The following PAPPA2 variants were observed in gnomAD, a reference collection of about 807,000 sequenced individuals.
The protein encoded by PAPPA2 is pappalysin-2.
PAPPA2 carries 86 observed loss-of-function variants against 176.4 expected under a neutral mutation model. The ratio of observed to expected loss-of-function variants is 0.49; its 90% CI spans 0.41 to 0.58. PAPPA2 has a LOEUF of 0.58. Among genes scored for constraint, PAPPA2 ranks in the 20% least tolerant of loss-of-function variants. The pLI, the probability that PAPPA2 is intolerant of heterozygous loss-of-function variation, is 0.00. For missense variants in PAPPA2, 2,073 were observed against 2,256.9 expected, an observed-to-expected ratio of 0.92 and a Z score of 1.65; for synonymous variants, 809 against 852.2, an observed-to-expected ratio of 0.95 and a Z score of 0.88.
intron 12 of PAPPA2, among the ~76,000 whole-genome samples, chr1:176,731,326 GTC>G (rs1402390764): frequency 6.6e-6 from 1 of 151,914 alleles, no homozygotes; most frequent in Non-Finnish European, 1.5e-5. Flanking sequence ...TTGAGACGGA[GTC>G]TCACTTTGTT....
intron 3 of PAPPA2, among the ~76,000 whole-genome samples, chr1:176,635,265 C>T (rs1245062811): frequency 6.6e-6 from 1 of 152,074 alleles, no homozygotes; most frequent in Non-Finnish European, 1.5e-5. Context: ...TTTTCAGATA[C>T]AATATTTACT....
At chr1:176,807,389 A>C (rs1479256376) in intron 21 of PAPPA2, among the ~76,000 whole-genome samples, 2 of 152,184 alleles carry the variant, frequency 1.3e-5, no homozygotes, top group Non-Finnish European at 2.9e-5. Flanking sequence ...TTCTTGAAAG[A>C]ATGAGGAGCT....
intron 4 of PAPPA2, among the ~76,000 whole-genome samples, chr1:176,688,079 A>C (rs1384270363): frequency 6.6e-6 from 1 of 152,238 alleles, no homozygotes; most frequent in Non-Finnish European, 1.5e-5. Flanking sequence ...TTAGATACTT[A>C]AACTTTATAG....
Position 176,594,737 on chromosome 1 carries a change from T to A in PAPPA2, c.1133T>A (p.Leu378Gln). 6.2e-7 allele frequency: 1 copy of A among 1,614,206 alleles called. No homozygotes were observed. The highest frequency in any genetic ancestry group is 8.5e-7 in the Non-Finnish European group (1 of 1,180,030). ...AATYDGRHMA[L>Q]YVDGTQVASS... ...ACTTACGATGGACGGCACATGGCCC[T>A]GTATGTGGATGGCACTCAGGTGGCT... Residue 378 changes from leucine (L) to glutamine (Q), a missense_variant, in exon 3 of 23, where the codon CTG becomes CAG. Transcript: ENST00000367662.
rs190084520 is a variant in PAPPA2 at position 176,723,453 on chromosome 1, G to C, written c.3798+11472G>C. Among the ~76,000 whole-genome samples the C allele has an allele frequency of 6.5e-4, 95 of 145,174 alleles. 1 individual carries two copies. In the East Asian group the frequency reaches 0.017, roughly 26 times the overall value. On this transcript the variant is annotated intron_variant, in intron 12 of 22. Coordinates refer to ENST00000367662, the MANE Select transcript of PAPPA2 (RefSeq NM_020318.3). ...AATACAACACCAAATAATTTAGAAA[G>C]TGATTTTTAAAGATAAGGTGGTTAG...
intron 9 of PAPPA2, among the ~76,000 whole-genome samples, chr1:176,705,569 AAT>A (rs1660846774): frequency 6.6e-6 from 1 of 152,178 alleles, no homozygotes; most frequent in African/African-American, 2.4e-5. Context: ...GCAATAGCCA[AAT>A]ATTGGTTCTT....
At chr1:176,592,482 G>T (rs1262003611) in intron 2 of PAPPA2, among the ~76,000 whole-genome samples, 2 of 152,054 alleles carry the variant, frequency 1.3e-5, no homozygotes, top group Non-Finnish European at 2.9e-5. Flanking sequence ...CAAGAAGTTA[G>T]AAATATCATT....
intron 2 of PAPPA2, among the ~76,000 whole-genome samples, chr1:176,588,827 G>T (rs558375580): frequency 4.6e-4 from 70 of 152,308 alleles, no homozygotes; most frequent in Non-Finnish European, 8.8e-4. Context: ...TGCCCTGGGG[G>T]TGTGTCCTTG....
intron 3 of PAPPA2, among the ~76,000 whole-genome samples, chr1:176,619,729 C>G (rs1182034374): frequency 2.0e-5 from 3 of 152,060 alleles, no homozygotes; most frequent in African/African-American, 7.2e-5. Flanking sequence ...TGTAATCTGC[C>G]ATTTTTCTTT....
chr1:176,622,987 C>G (rs930038890), intron 3 of PAPPA2, among the ~76,000 whole-genome samples: 1 of 152,114 alleles, frequency 6.6e-6, no homozygotes, highest in Non-Finnish European at 1.5e-5. Flanking sequence ...ATCCTTTGAG[C>G]CTCTTTTATA....
At chr1:176,770,343 T>C (rs913971490) in intron 16 of PAPPA2, among the ~76,000 whole-genome samples, 1 of 152,192 alleles carries the variant, frequency 6.6e-6, no homozygotes, top group African/African-American at 2.4e-5. Context: ...TTATGGTGAA[T>C]AGTCCATGGA....
At chr1:176,789,511 C>A (rs1665083467) in intron 17 of PAPPA2, among the ~76,000 whole-genome samples, 2 of 151,982 alleles carry the variant, frequency 1.3e-5, no homozygotes, top group African/African-American at 4.8e-5. Flanking sequence ...ATGTAACAAA[C>A]CTGCACGTTG....
intron 4 of PAPPA2, among the ~76,000 whole-genome samples, chr1:176,688,813 A>G (rs567793168): frequency 1.1e-3 from 167 of 152,326 alleles, no homozygotes; most frequent in African/African-American, 3.9e-3. Context: ...CAGTGGGTGT[A>G]GCGCCAGATA....
Position 176,594,844 on chromosome 1 carries a change from G to C in PAPPA2, c.1240G>C (p.Glu414Gln), listed in dbSNP as rs202065297. The change falls in exon 3 of 23, where the codon GAG (glutamate) becomes CAG (glutamine). Residue 414 changes from glutamate to glutamine, a missense_variant. By Grantham distance (29) the Glu-to-Gln change is conservative (BLOSUM62 2). Coordinates refer to ENST00000367662, the MANE Select transcript of PAPPA2 (RefSeq NM_020318.3). Reference sequence around the variant, plus strand: ...TTTGCTCCTGGGGGGAGACAGCTCTGAGGATGGGCACTATTTCCGTGGACA... The same window carrying C: ...TTTGCTCCTGGGGGGAGACAGCTCTCAGGATGGGCACTATTTCCGTGGACA... Reference protein sequence around the residue: ...RSLLLGGDSSEDGHYFRGHLG... With the variant: ...RSLLLGGDSSQDGHYFRGHLG... 5,330 of 1,614,224 alleles carry C rather than the reference G, an allele frequency of 3.3e-3. 17 individuals are homozygous for C. The highest frequency in any genetic ancestry group is 8.4e-3 in the Middle Eastern group (51 of 6,062).
chr1:176,732,524 A>G (rs1261289663), intron 12 of PAPPA2, among the ~76,000 whole-genome samples: 4 of 152,220 alleles, frequency 2.6e-5, no homozygotes, highest in East Asian at 3.9e-4. Flanking sequence ...ATGGTGAATG[A>G]AAGTATTACA....
At position 176,758,816 on chromosome 1, in the gene PAPPA2, A is replaced by C. The variant is rs550170579; in HGVS notation, c.4152-6850A>C. 3.9e-5 allele frequency among the ~76,000 whole-genome samples: 6 copies of C among 152,248 alleles called. No individual in the cohort carries two copies. In the East Asian group the frequency reaches 1.2e-3, roughly 29 times the overall value. On this transcript the variant is annotated intron_variant, in intron 14 of 22. Coordinates refer to ENST00000367662, the MANE Select transcript of PAPPA2 (RefSeq NM_020318.3). ...AACTCTTTCTTGAGTTCTCTACCACATCCTGCCTGTTCATGGGTTTTCTGC... is the reference window on the plus strand; with the variant it reads ...AACTCTTTCTTGAGTTCTCTACCACCTCCTGCCTGTTCATGGGTTTTCTGC...
intron 14 of PAPPA2, 145 bp from the exon 15 acceptor site, chr1:176,765,521 G>GA (rs1415988576): frequency 2.7e-6 from 2 of 727,998 alleles, no homozygotes; most frequent in Non-Finnish European, 4.5e-6. Flanking sequence ...GGGTAGTAGA[G>GA]AAAAAAGGTG....
intron 10 of PAPPA2, among the ~76,000 whole-genome samples, chr1:176,708,688 A>T (rs1660996821): frequency 6.6e-6 from 1 of 152,162 alleles, no homozygotes; most frequent in Non-Finnish European, 1.5e-5. Context: ...ACAGTGGCTT[A>T]TATCTGGCAA....
At chr1:176,710,548 A>AT (rs902479402) in intron 11 of PAPPA2, among the ~76,000 whole-genome samples, 4 of 152,026 alleles carry the variant, frequency 2.6e-5, no homozygotes, top group Non-Finnish European at 5.9e-5. Flanking sequence ...TTGCGTACAT[A>AT]TTTTTTTTCT....
Sources: allele counts gnomAD v4.1 joint callset (sites outside exome capture counted in the v4.1 genomes callset), GRCh38; gene constraint gnomAD v4.1.1; transcripts MANE v1.5; gene names NCBI Gene and HGNC (gene_info 2026-07-23, HGNC 2026-07-21).